The following CHTF8 variants were observed in gnomAD, a reference collection of about 807,000 sequenced individuals.
CHTF8 encodes the protein chromosome transmission fidelity factor 8.
In CHTF8, 6 loss-of-function variants were observed where a neutral mutation model predicts 11.0. The ratio of observed to expected loss-of-function variants is 0.55; its 90% CI spans 0.30 to 1.08. The LOEUF (loss-of-function observed/expected upper bound fraction) is 1.08. Among genes scored for constraint, CHTF8 ranks in the 50% least tolerant of loss-of-function variants. The probability of loss-of-function intolerance (pLI) is 0.07; values close to 1 mark genes in which losing one functional copy is unlikely to be tolerated. For missense variants in CHTF8, 140 were observed against 153.1 expected (o/e 0.91, Z 0.45); for synonymous variants, 53 against 60.5 (o/e 0.88, Z 0.57).
chr16:69,128,586 C>T lies in CHTF8; in HGVS notation c.-36+3898G>A, dbSNP rs561400501. ...CTGTATTCCTAAGTTAGTCAAACGA[C>T]TTTATCTCAGTAAAGGAAACTTTTT... On this transcript the variant is annotated intron_variant, in intron 1 of 3. Transcript: ENST00000448552. Among the ~76,000 whole-genome samples the T allele has an allele frequency of 2.0e-5, 3 of 152,232 alleles. No homozygotes were observed. The South Asian group carries it at 6.2e-4, about 32-fold the overall frequency.
At position 69,120,514 on chromosome 16, in the gene CHTF8, G is replaced by C. The variant is rs769216163; in HGVS notation, c.277C>G (p.Arg93Gly). 6.2e-7 allele frequency: 1 copy of C among 1,614,074 alleles called. No individual in the cohort carries two copies. The highest frequency in any genetic ancestry group is 8.5e-7 in the Non-Finnish European group (1 of 1,179,994). ...TTGATGAGTGCTGTCACCAGGTACC[G>C]GGTGCCAGTCTCGCGGCCAAGCTCA... Reference protein sequence around the residue: ...CDELGRETGTRYLVTALIKDK... With the variant: ...CDELGRETGTGYLVTALIKDK... The change falls in exon 4 of 4, where the codon CGG becomes GGG. Residue 93 changes from arginine (R) to glycine (G), a missense_variant. Transcript: ENST00000448552. This position sits in a 1 kb window ranked among gnomAD's most constrained non-coding sequence, Gnocchi z 4.0.
chr16:69,124,050 G>A lies in CHTF8; in HGVS notation c.-35-2557C>T, dbSNP rs144736659. ...ACCTGGGAGATAAAGGTTGCAGTGA[G>A]CTGAGATCACACCACTGCACTCCAG... is the stretch of plus-strand genomic sequence containing the variant. On this transcript the variant is annotated intron_variant, in intron 1 of 3. Coordinates refer to ENST00000448552, the MANE Select transcript of CHTF8 (RefSeq NM_001039690.5). 4.9e-3 allele frequency among the ~76,000 whole-genome samples: 738 copies of A among 151,712 alleles called. 3 individuals carry two copies. The highest frequency in any genetic ancestry group is 0.017 in the African/African-American group (719 of 41,308).
chr16:69,122,884 A>G (rs919152002), intron 1 of CHTF8, among the ~76,000 whole-genome samples: 2 of 151,006 alleles, frequency 1.3e-5, no homozygotes. Context: ...TCACCATGTT[A>G]GCCAGGCTGG....
Position 69,120,519 on chromosome 16 carries a change from C to G in CHTF8, c.272G>C (p.Gly91Ala), listed in dbSNP as rs1171102841. 6.2e-7 allele frequency: 1 copy of G among 1,614,048 alleles called. No homozygotes were observed. Among genetic ancestry groups the G allele is most frequent in the Non-Finnish European group, 8.5e-7 (1 of 1,179,990 alleles). Residue 91 changes from glycine to alanine, a missense_variant, in exon 4 of 4, where the codon GGC becomes GCC. Transcript: ENST00000448552. The surrounding 1 kb of genome is among the most constrained non-coding windows in gnomAD (Gnocchi z 4.0). Reference protein sequence around the residue: ...QDCDELGRETGTRYLVTALIK... With the variant: ...QDCDELGRETATRYLVTALIK... The stretch of plus-strand genomic sequence containing the variant: ...GAGTGCTGTCACCAGGTACCGGGTG[C>G]CAGTCTCGCGGCCAAGCTCATCACA...
chr16:69,131,779 C>T (rs527468470), intron 1 of CHTF8, among the ~76,000 whole-genome samples: 124 of 151,914 alleles, frequency 8.2e-4, no homozygotes, highest in Admixed American at 1.6e-3. Context: ...CACCCTCGTT[C>T]TCCAAATTGT....
At chr16:69,123,463 C>G (rs2152268602) in intron 1 of CHTF8, among the ~76,000 whole-genome samples, 1 of 152,156 alleles carries the variant, frequency 6.6e-6, no homozygotes, top group South Asian at 2.1e-4. Context: ...TCGAGACCAC[C>G]CTGGCCAACA....
rs1161188041 is a variant in CHTF8, at chr16:69,119,362, C to T, written c.*1063G>A. 5.7e-6 allele frequency: 4 copies of T among 703,050 alleles called. No individual in the cohort carries two copies. In the Admixed American group the frequency reaches 6.0e-5, roughly 11 times the overall value. The allele number at this position is 703,050 out of a possible 1,614,324, so 43.6% of individuals were successfully genotyped here. A position where few individuals can be genotyped will look rare whatever the true frequency, so the allele number is the denominator to read the frequency against. ...CCTGGGAAAGGGATTGGCATTTACCCCCATGGGGCCAACTGGCCTTGAGAA... is the reference window on the plus strand; with the variant it reads ...CCTGGGAAAGGGATTGGCATTTACCTCCATGGGGCCAACTGGCCTTGAGAA... On this transcript the variant is annotated 3_prime_UTR_variant, in exon 4 of 4. Coordinates refer to ENST00000448552, the MANE Select transcript of CHTF8 (RefSeq NM_001039690.5).
At chr16:69,122,762 G>C (rs1461637949) in intron 1 of CHTF8, among the ~76,000 whole-genome samples, 2 of 151,500 alleles carry the variant, frequency 1.3e-5, no homozygotes, top group Non-Finnish European at 2.9e-5. Flanking sequence ...GGCTGGTCTC[G>C]AACTCCTGAC....
rs768473924 is a variant in CHTF8 at position 69,121,603 on chromosome 16, G to A, written c.-35-110C>T. The A allele has an allele frequency of 5.3e-4, 330 of 620,466 alleles. 2 individuals are homozygous for A. The highest frequency in any genetic ancestry group is 3.3e-4 in the Admixed American group (10 of 30,430). 38.4% of individuals were successfully genotyped at this position (620,466 alleles called of 1,614,324 possible). On this transcript the variant is annotated intron_variant, in intron 1 of 3. Transcript: ENST00000448552. The stretch of plus-strand genomic sequence containing the variant: ...ATCGATTCTCCTGCCTCAGCCTCCC[G>A]AGTAGCTGGGAATACAGGCACCCAC...
At chr16:69,126,982 C>T (rs1197672383) in intron 1 of CHTF8, among the ~76,000 whole-genome samples, 6 of 152,246 alleles carry the variant, frequency 3.9e-5, no homozygotes, top group Non-Finnish European at 8.8e-5. Context: ...CGCGGTGGCT[C>T]ATGCCTGTAA....
intron 1 of CHTF8, chr16:69,131,182 A>G (rs1466241327): frequency 6.6e-6 from 1 of 152,144 alleles, no homozygotes; most frequent in East Asian, 1.9e-4. Context: ...GTGGAATTGA[A>G]TGCTTCCAAA....
In CHTF8 at chr16:69,118,372, G is replaced by A; in HGVS notation, c.*2053C>T. 1 of 1,609,264 alleles carries A rather than the reference G, an allele frequency of 6.2e-7. No homozygotes were observed. ...TGTTCAAGCCCCCAGGGAAAGGTAT[G>A]GCAGTAGAGGATGACCAGGTCCAAG... On this transcript the variant is annotated 3_prime_UTR_variant, in exon 4 of 4. Transcript: ENST00000448552.
chr16:69,118,701 G>T lies in CHTF8; in HGVS notation c.*1724C>A. The T allele has an allele frequency of 1.5e-6, 1 of 654,330 alleles. No individual in the cohort carries two copies. Among genetic ancestry groups the T allele is most frequent in the South Asian group, 1.7e-5 (1 of 58,006 alleles). 40.5% of individuals were successfully genotyped at this position (654,330 alleles called of 1,614,324 possible). A position where few individuals can be genotyped will look rare whatever the true frequency, so the allele number is the denominator to read the frequency against. On this transcript the variant is annotated 3_prime_UTR_variant, in exon 4 of 4. Coordinates refer to ENST00000448552, the MANE Select transcript of CHTF8 (RefSeq NM_001039690.5). ...CAAATAACATCTCACCTTCAGTCAA[G>T]AAAAACGCAAAGGAAAAAGATGGCT...
intron 1 of CHTF8, among the ~76,000 whole-genome samples, chr16:69,122,812 G>A (rs1280098702): frequency 6.6e-6 from 1 of 152,068 alleles, no homozygotes; most frequent in African/African-American, 2.4e-5. Flanking sequence ...AAAGTGCTGG[G>A]ATTACAGGCG....
Position 69,120,613 on chromosome 16 carries a change from A to G in CHTF8, c.178T>C (p.Tyr60His), listed in dbSNP as rs1361004747. The change falls in exon 4 of 4, where the codon TAT (tyrosine) becomes CAT (histidine). Residue 60 changes from tyrosine to histidine, a missense_variant. Transcript: ENST00000448552. This position sits in a 1 kb window ranked among gnomAD's most constrained non-coding sequence, Gnocchi z 4.0. The stretch of plus-strand genomic sequence containing the variant: ...TTCTCCAGGTGGATGATTTTCCCAT[A>G]CAGGATATGATGCCCCACGATCAGC... ...PVLIVGHHIL[Y>H]GKIIHLEKPF... 6.2e-6 allele frequency: 10 copies of G among 1,613,628 alleles called. No homozygotes were observed. In the African/African-American group the frequency reaches 1.3e-4, roughly 22 times the overall value.
chr16:69,132,463 G>GC (rs372312836), intron 1 of CHTF8, 21 bp downstream of exon 1: 60,733 of 207,648 alleles, frequency 0.29, 9,915 homozygotes, highest in African/African-American at 0.44. Context: ...AGCCTCCCGT[G>GC]CCCCCCGCCC....
Position 69,121,423 on chromosome 16 carries a change from A to G in CHTF8, c.23+13T>C. 2 of 1,599,874 alleles carry G rather than the reference A, an allele frequency of 1.3e-6. No homozygotes were observed. Among genetic ancestry groups the G allele is most frequent in the East Asian group, 2.2e-5 (1 of 44,852 alleles). ...ATTTCAAGCCAAATTTTAAAATCTC[A>G]AAATGTACTTACCTGGAAATAACAA... On this transcript the variant is annotated intron_variant, in intron 2 of 3. Coordinates refer to ENST00000448552, the MANE Select transcript of CHTF8 (RefSeq NM_001039690.5).
intron 1 of CHTF8, among the ~76,000 whole-genome samples, chr16:69,128,900 C>A (rs1962285325): frequency 6.6e-6 from 1 of 151,650 alleles, no homozygotes; most frequent in African/African-American, 2.4e-5. Context: ...CCAGTTTCTA[C>A]GAAAAATACA....
At chr16:69,121,224 G>T in intron 2 of CHTF8, 54 bp from the exon 3 acceptor site, 1 of 1,511,568 alleles carries the variant, frequency 6.6e-7, no homozygotes, top group Non-Finnish European at 9.1e-7. Context: ...AGGATGAATA[G>T]TGTCCTCACA....
Sources: gnomAD v4.1 joint callset for allele counts (sites outside exome capture counted in the v4.1 genomes callset) on GRCh38, gnomAD v4.1.1 for gene constraint, Gnocchi (gnomAD v3.1) non-coding constraint, MANE v1.5 for transcripts, NCBI Gene and HGNC (gene_info 2026-07-23, HGNC 2026-07-21) for gene names.